The following SUMO2 variants were observed in gnomAD, a reference collection of about 807,000 sequenced individuals.
SUMO2 encodes the protein small ubiquitin like modifier 2, also known as small ubiquitin-related modifier 2.
SUMO2 carries 1 observed loss-of-function variant against 16.0 expected under a neutral mutation model. The observed-to-expected ratio is 0.06, with a 90% CI of 0.02 to 0.30. The LOEUF (loss-of-function observed/expected upper bound fraction) is 0.30, where lower values mean the gene tolerates loss of function less well. SUMO2 is among the 10% of genes least tolerant of loss of function. The pLI is 1.00. For missense variants in SUMO2, 16 were observed against 117.5 expected (o/e 0.14, Z 3.99); for synonymous variants, 36 against 40.6 (o/e 0.89, Z 0.43).
In SUMO2 at chr17:75,166,209, C is replaced by T. The variant is rs1243905626; in HGVS notation, c.*2130G>A. On this transcript the variant is annotated 3_prime_UTR_variant, in exon 4 of 4. Coordinates refer to ENST00000420826, the MANE Select transcript of SUMO2 (RefSeq NM_006937.4). Reference sequence around the variant, plus strand: ...ATAAAAATTTGGCCGGGCACAGTGGCTCAAGCCTGTAATCTCAGCACTTTG... The same window carrying T: ...ATAAAAATTTGGCCGGGCACAGTGGTTCAAGCCTGTAATCTCAGCACTTTG... 1 of 151,768 alleles carries T rather than the reference C, an allele frequency of 6.6e-6. No homozygotes were observed. Among genetic ancestry groups the T allele is most frequent in the Non-Finnish European group, 1.5e-5 (1 of 67,972 alleles). 9.4% of individuals were successfully genotyped at this position (151,768 alleles called of 1,614,324 possible). A position where few individuals can be genotyped will look rare whatever the true frequency, so the allele number is the denominator to read the frequency against.
At chr17:75,180,800 G>C (rs1416388109) in intron 2 of SUMO2, among the ~76,000 whole-genome samples, 2 of 151,388 alleles carry the variant, frequency 1.3e-5, no homozygotes, top group Non-Finnish European at 3.0e-5. Flanking sequence ...ACATTTCCTT[G>C]GTAAAAAAAA....
At chr17:75,172,181 C>A (rs887552629) in intron 3 of SUMO2, among the ~76,000 whole-genome samples, 1 of 151,836 alleles carries the variant, frequency 6.6e-6, no homozygotes, top group Non-Finnish European at 1.5e-5. Context: ...CACCACCATG[C>A]CCGGCTAATT....
chr17:75,168,221 G>C lies in SUMO2; in HGVS notation c.*118C>G, dbSNP rs1489033336. Reference sequence around the variant, plus strand: ...TGGGGAAGGGGGAAATGAAAGAATAGAGAAAACTATACGGTAGTAGTCAGG... The same window carrying C: ...TGGGGAAGGGGGAAATGAAAGAATACAGAAAACTATACGGTAGTAGTCAGG... On this transcript the variant is annotated 3_prime_UTR_variant, in exon 4 of 4. Coordinates refer to ENST00000420826, the MANE Select transcript of SUMO2 (RefSeq NM_006937.4). 2 of 714,710 alleles carry C rather than the reference G, an allele frequency of 2.8e-6. No homozygotes were observed. Among genetic ancestry groups the C allele is most frequent in the Non-Finnish European group, 4.4e-6 (2 of 456,420 alleles). 44.3% of individuals were successfully genotyped at this position (714,710 alleles called of 1,614,324 possible).
intron 1 of SUMO2, 173 bp downstream of exon 1, chr17:75,182,641 G>A (rs1048117865): frequency 1.9e-5 from 8 of 419,132 alleles, no homozygotes; most frequent in African/African-American, 1.7e-4. Context: ...GGCGCGGGAG[G>A]GAGGAAGAGA....
At chr17:75,180,404 A>AC (rs1568049188) in intron 2 of SUMO2, among the ~76,000 whole-genome samples, 3 of 141,060 alleles carry the variant, frequency 2.1e-5, no homozygotes, top group Non-Finnish European at 3.1e-5. Context: ...AAAAAAAAAA[A>AC]AAAAAAAAAA....
rs2074770471 is a variant in SUMO2, at chr17:75,174,964, G to A, written c.154-141C>T. Reference sequence around the variant, plus strand: ...GCCAACATGTTAACATACCCTATAGGTAAAAAGATTTGGGGTGATTTTCAT... The same window carrying A: ...GCCAACATGTTAACATACCCTATAGATAAAAAGATTTGGGGTGATTTTCAT... On this transcript the variant is annotated intron_variant, in intron 2 of 3. Coordinates refer to ENST00000420826, the MANE Select transcript of SUMO2 (RefSeq NM_006937.4). The A allele has an allele frequency of 5.5e-6, 4 of 729,208 alleles. No homozygotes were observed. In the Admixed American group the frequency reaches 8.8e-5, roughly 16 times the overall value. 45.2% of individuals were successfully genotyped at this position (729,208 alleles called of 1,614,324 possible).
chr17:75,165,839 C>CA lies in SUMO2; in HGVS notation c.*2499dup, dbSNP rs1485158844. 6.6e-6 allele frequency: 1 copy of CA among 151,934 alleles called. No homozygotes were observed. Among genetic ancestry groups the CA allele is most frequent in the Non-Finnish European group, 1.5e-5 (1 of 68,030 alleles). The allele number at this position is 151,934 out of a possible 1,614,324, so 9.4% of individuals were successfully genotyped here. On this transcript the variant is annotated 3_prime_UTR_variant, in exon 4 of 4. Coordinates refer to ENST00000420826, the MANE Select transcript of SUMO2 (RefSeq NM_006937.4). ...AGGAGTTTGAGACCAGCCTGGCTAA[C>CA]ATGGTGAAGCCCTGTCTCTACTAAA...
intron 3 of SUMO2, among the ~76,000 whole-genome samples, chr17:75,170,256 G>C (rs1374248809): frequency 2.0e-5 from 3 of 152,174 alleles, no homozygotes; most frequent in Non-Finnish European, 2.9e-5. Context: ...GCTTAGCAAA[G>C]ACTGAAAACA....
intron 3 of SUMO2, among the ~76,000 whole-genome samples, chr17:75,174,301 G>A (rs566793743): frequency 2.0e-5 from 3 of 152,286 alleles, no homozygotes; most frequent in East Asian, 3.9e-4. Flanking sequence ...TGAGGCAGGA[G>A]AATTGCTTAA....
At chr17:75,172,296 G>A (rs2074746004) in intron 3 of SUMO2, among the ~76,000 whole-genome samples, 1 of 148,134 alleles carries the variant, frequency 6.8e-6, no homozygotes. Context: ...AAAGTGCTAG[G>A]ATTACAGTCG....
At chr17:75,180,974 T>C in intron 2 of SUMO2, 83 bp downstream of exon 2, 1 of 1,532,960 alleles carries the variant, frequency 6.5e-7, no homozygotes, top group Non-Finnish European at 9.0e-7. Context: ...CACTGTAATG[T>C]GCTAGTCTAG....
chr17:75,175,367 C>G (rs2074774197), intron 2 of SUMO2, among the ~76,000 whole-genome samples: 1 of 151,842 alleles, frequency 6.6e-6, no homozygotes, highest in Admixed American at 6.6e-5. Flanking sequence ...GTCACTCAGG[C>G]TGGAGGGCAG....
intron 1 of SUMO2, 120 bp downstream of exon 1, chr17:75,182,694 G>T (rs1221965322): frequency 2.4e-6 from 2 of 839,634 alleles, no homozygotes; most frequent in Non-Finnish European, 3.1e-6. Flanking sequence ...CCTGAGCCGC[G>T]GCCGGCCCCG....
At chr17:75,182,592 A>T in intron 1 of SUMO2, 1 of 304,790 alleles carries the variant, frequency 3.3e-6, no homozygotes, top group Non-Finnish European at 5.8e-6. Flanking sequence ...GCGCACTCGG[A>T]GGCCGCCGGG....
At chr17:75,172,487 A>ATTT (rs566106618) in intron 3 of SUMO2, among the ~76,000 whole-genome samples, 2 of 129,120 alleles carry the variant, frequency 1.5e-5, no homozygotes, top group Non-Finnish European at 3.4e-5. Context: ...GCCTGGCTAA[A>ATTT]TTTTTTTTTT....
chr17:75,178,350 CA>C (rs2074800255), intron 2 of SUMO2, among the ~76,000 whole-genome samples: 1 of 151,256 alleles, frequency 6.6e-6, no homozygotes, highest in African/African-American at 2.4e-5. Flanking sequence ...CCCGTCTCTA[CA>C]AAAAATACAA....
chr17:75,178,495 C>G (rs1319489011), intron 2 of SUMO2, among the ~76,000 whole-genome samples: 1 of 131,310 alleles, frequency 7.6e-6, no homozygotes, highest in East Asian at 2.2e-4. Flanking sequence ...GCCTGGGCAA[C>G]AGTGCGAGAC....
At position 75,180,392 on chromosome 17, in the gene SUMO2, T is replaced by TAAAAAAAAA. The variant is rs58684188; in HGVS notation, c.153+656_153+664dup. Among the ~76,000 whole-genome samples the TAAAAAAAAA allele has an allele frequency of 1.8e-4, 8 of 44,874 alleles. 2 individuals carry two copies. Among genetic ancestry groups the TAAAAAAAAA allele is most frequent in the Non-Finnish European group, 3.1e-4 (8 of 25,840 alleles). The allele number at this position is 44,874 out of a possible 152,430, so 29.4% of individuals were successfully genotyped here. On this transcript the variant is annotated intron_variant, in intron 2 of 3. Transcript: ENST00000420826. ...AAGAAATAGAGTGAGACTCCCAGCT[T>TAAAAAAAAA]AAAAAAAAAAAAAAAAAAAAAAAAA...
chr17:75,174,162 G>T (rs1043925482), intron 3 of SUMO2, among the ~76,000 whole-genome samples: 1 of 152,176 alleles, frequency 6.6e-6, no homozygotes, highest in African/African-American at 2.4e-5. Context: ...GGCCAAGGCG[G>T]GCGGATTACT....
Sources: allele counts gnomAD v4.1 joint callset (sites outside exome capture counted in the v4.1 genomes callset), GRCh38; gene constraint gnomAD v4.1.1; transcripts MANE v1.5; gene names NCBI Gene and HGNC (gene_info 2026-07-23, HGNC 2026-07-21).